Variants in LRGUK observed in about 807,000 individuals in gnomAD.
LRGUK encodes leucine-rich repeat and guanylate kinase domain-containing protein.
Under a neutral mutation model 76.0 loss-of-function variants are expected in LRGUK, and 65 were observed. That is an observed-to-expected ratio of 0.85 (90% CI 0.70 to 1.05). LRGUK has a LOEUF of 1.05. LRGUK is among the 50% of genes least tolerant of loss of function. LRGUK has a pLI of 0.00. For synonymous variants in LRGUK, 268 were observed against 265.6 expected (o/e 1.01, Z -0.09); for missense variants, 758 against 732.8 (o/e 1.03, Z -0.40).
the LRGUK span, among the ~76,000 whole-genome samples, chr7:134,275,789 G>A: frequency 5.3e-5 from 8 of 152,120 alleles, no homozygotes; most frequent in Admixed American, 2.0e-4. Context: ...TCATAAAAAT[G>A]TGTGTATTTA....
At chr7:134,157,468 G>A (rs7785445) in intron 5 of LRGUK, among the ~76,000 whole-genome samples, 1 of 152,154 alleles carries the variant, frequency 6.6e-6, no homozygotes, top group South Asian at 2.1e-4. Context: ...TATGAGCCAC[G>A]GTGATTTTTC....
At chr7:134,177,336 T>C (rs1327644040) in intron 9 of LRGUK, among the ~76,000 whole-genome samples, 1 of 152,230 alleles carries the variant, frequency 6.6e-6, no homozygotes, top group African/African-American at 2.4e-5. Context: ...ACTCCACTTA[T>C]ATAGGTCGCA....
At position 134,163,558 on chromosome 7, in the gene LRGUK, A is replaced by G; in HGVS notation, c.939+18A>G. The G allele has an allele frequency of 1.3e-6, 2 of 1,595,074 alleles. No individual in the cohort carries two copies. The highest frequency in any genetic ancestry group is 1.1e-5 in the South Asian group (1 of 88,346). Reference sequence around the variant, plus strand: ...ATAATAAGGTAGTGTTGCACTTCACATGTCTTGGTTTCAGTGTTGACATAA... The same window carrying G: ...ATAATAAGGTAGTGTTGCACTTCACGTGTCTTGGTTTCAGTGTTGACATAA... On this transcript the variant is annotated intron_variant, in intron 7 of 15. Coordinates refer to ENST00000645682, the Ensembl canonical transcript of LRGUK.
chr7:134,169,931 A>C (rs539265025), intron 7 of LRGUK, among the ~76,000 whole-genome samples: 1 of 152,274 alleles, frequency 6.6e-6, no homozygotes, highest in East Asian at 1.9e-4. Context: ...ACTATATTTC[A>C]TAAAGATTCA....
chr7:134,230,157 T>C (rs1230456647), intron 16 of LRGUK, among the ~76,000 whole-genome samples: 1 of 151,992 alleles, frequency 6.6e-6, no homozygotes, highest in African/African-American at 2.4e-5. Flanking sequence ...ATCCGAAATA[T>C]ATAAAGAACT....
At chr7:134,230,517 T>A (rs990678739) in intron 16 of LRGUK, among the ~76,000 whole-genome samples, 1 of 152,182 alleles carries the variant, frequency 6.6e-6, no homozygotes, top group African/African-American at 2.4e-5. Flanking sequence ...ACTGGTTATG[T>A]GTACCAAAAG....
intron 7 of LRGUK, among the ~76,000 whole-genome samples, chr7:134,172,041 A>G (rs939755078): frequency 1.3e-5 from 2 of 152,160 alleles, no homozygotes; most frequent in African/African-American, 2.4e-5. Context: ...TTAATTCTCA[A>G]AAAACCAACT....
rs1383071128 is a variant in LRGUK at position 134,190,752 on chromosome 7, A to G, written c.1335-903A>G. On this transcript the variant is annotated intron_variant, in intron 11 of 15. Coordinates refer to ENST00000645682, the Ensembl canonical transcript of LRGUK. ...TTCATTTTTCATTCATTTTACAAAAATTTATCAAATGCCTACTATGTGCCA... is the reference window on the plus strand; with the variant it reads ...TTCATTTTTCATTCATTTTACAAAAGTTTATCAAATGCCTACTATGTGCCA... Among the ~76,000 whole-genome samples the G allele has an allele frequency of 3.3e-5, 5 of 152,224 alleles. No homozygotes were observed. The East Asian group carries it at 5.8e-4, about 18-fold the overall frequency.
intron 13 of LRGUK, 145 bp downstream of exon 13, chr7:134,197,250 A>G (rs1380252425): frequency 5.8e-6 from 3 of 517,552 alleles, no homozygotes; most frequent in Non-Finnish European, 1.0e-5. Flanking sequence ...GCGTTAATGT[A>G]TATACATATT....
At chr7:134,187,533 A>G (rs1161042993) in intron 11 of LRGUK, among the ~76,000 whole-genome samples, 1 of 152,222 alleles carries the variant, frequency 6.6e-6, no homozygotes, top group Non-Finnish European at 1.5e-5. Flanking sequence ...ACTCAGTCAC[A>G]TAACAAATAT....
chr7:134,226,519 C>T (rs2117165351), intron 16 of LRGUK, among the ~76,000 whole-genome samples: 1 of 152,242 alleles, frequency 6.6e-6, no homozygotes, highest in South Asian at 2.1e-4. Context: ...TCACATATGG[C>T]ACATGTCATA....
At chr7:134,173,612 CT>C (rs970606780) in intron 7 of LRGUK, among the ~76,000 whole-genome samples, 31 of 149,976 alleles carry the variant, frequency 2.1e-4, no homozygotes, top group Admixed American at 1.1e-3. Flanking sequence ...GTCAAGCAAT[CT>C]TTTTTTTTTC....
chr7:134,255,065 A>G (rs1802541838), intron 18 of LRGUK, among the ~76,000 whole-genome samples: 1 of 152,198 alleles, frequency 6.6e-6, no homozygotes, highest in African/African-American at 2.4e-5. Flanking sequence ...TTTTTAGGAA[A>G]TTAATTCAGT....
intron 12 of LRGUK, among the ~76,000 whole-genome samples, chr7:134,194,399 G>C (rs901459981): frequency 1.1e-4 from 17 of 152,134 alleles, no homozygotes; most frequent in Non-Finnish European, 1.5e-5. Flanking sequence ...GCGAGTCACA[G>C]AGTGTTAGTC....
intron 16 of LRGUK, among the ~76,000 whole-genome samples, chr7:134,226,417 C>T (rs575021392): frequency 3.9e-5 from 6 of 152,248 alleles, no homozygotes; most frequent in African/African-American, 1.2e-4. Context: ...CCTTGGCCAT[C>T]GCATGCAATG....
intron 18 of LRGUK, among the ~76,000 whole-genome samples, chr7:134,252,419 C>T (rs1031311119): frequency 2.7e-4 from 41 of 151,976 alleles, no homozygotes; most frequent in African/African-American, 8.7e-4. Flanking sequence ...CAAAAGCTGT[C>T]GTCCAACAAA....
At chr7:134,135,987 G>A (rs1797523547) in intron 1 of LRGUK, among the ~76,000 whole-genome samples, 1 of 152,140 alleles carries the variant, frequency 6.6e-6, no homozygotes, top group Non-Finnish European at 1.5e-5. Flanking sequence ...AAGCCTACAT[G>A]CGTATGTCAT....
intron 10 of LRGUK, among the ~76,000 whole-genome samples, chr7:134,178,820 T>G (rs772963903): frequency 2.0e-5 from 3 of 151,156 alleles, no homozygotes; most frequent in African/African-American, 7.3e-5. Flanking sequence ...AGTGTGTTGC[T>G]TTCTTGCTGG....
chr7:134,270,607 T>C, the LRGUK span, among the ~76,000 whole-genome samples: 1 of 152,246 alleles, frequency 6.6e-6, no homozygotes, highest in Admixed American at 6.5e-5. Context: ...ACTGTTGTTC[T>C]CCATGAGTCA....
Sources: allele counts gnomAD v4.1 joint callset (sites outside exome capture counted in the v4.1 genomes callset), GRCh38; gene constraint gnomAD v4.1.1; transcripts MANE v1.5; gene names NCBI Gene and HGNC (gene_info 2026-07-23, HGNC 2026-07-21).